The following ZZEF1 variants were observed in gnomAD, a reference collection of about 807,000 sequenced individuals.
ZZEF1 encodes zinc finger ZZ-type and EF-hand domain containing 1, also known as zinc finger ZZ-type and EF-hand domain-containing protein 1.
In ZZEF1, 157 loss-of-function variants were observed where a neutral mutation model predicts 342.8. The ratio of observed to expected loss-of-function variants is 0.46; its 90% CI spans 0.40 to 0.52. ZZEF1 has a LOEUF of 0.52. Ranked by LOEUF, ZZEF1 falls within the 20% of genes least tolerant of loss-of-function variation. The pLI is 0.00. For synonymous variants in ZZEF1, 1,505 were observed against 1,429.1 expected (o/e 1.05, Z -1.20); for missense variants, 3,480 against 3,725.6 (o/e 0.93, Z 1.72).
rs1267647344 is a variant in ZZEF1, at chr17:4,005,079, T to C, written c.*1811A>G. 1.3e-5 allele frequency: 2 copies of C among 152,372 alleles called. No individual in the cohort carries two copies. The highest frequency in any genetic ancestry group is 1.9e-4 in the East Asian group (1 of 5,202). The allele number at this position is 152,372 out of a possible 1,614,324, so 9.4% of individuals were successfully genotyped here. On this transcript the variant is annotated 3_prime_UTR_variant, in exon 55 of 55. Coordinates refer to ENST00000381638, the MANE Select transcript of ZZEF1 (RefSeq NM_015113.4). Reference sequence around the variant, plus strand: ...GTGTGGAGGGGCGTGGGTGGCGCTATCTCGTCTACCTTCCAGGTTGGCTGT... The same window carrying C: ...GTGTGGAGGGGCGTGGGTGGCGCTACCTCGTCTACCTTCCAGGTTGGCTGT...
intron 18 of ZZEF1, among the ~76,000 whole-genome samples, chr17:4,080,353 T>C (rs1184772012): frequency 2.6e-5 from 4 of 151,550 alleles, no homozygotes; most frequent in Non-Finnish European, 5.9e-5. Context: ...TTTGTTTGTT[T>C]GTTTTGAGAC....
Position 4,077,864 on chromosome 17 carries a change from A to G in ZZEF1, c.2989+19T>C. 6.2e-7 allele frequency: 1 copy of G among 1,611,382 alleles called. No homozygotes were observed. The highest frequency in any genetic ancestry group is 1.1e-5 in the South Asian group (1 of 91,048). ...ACCCAAACGCCATCTGTTTTCATGG[A>G]TTTTATATTGAAACTCACATTTTTC... On this transcript the variant is annotated intron_variant, in intron 19 of 54. Coordinates refer to ENST00000381638, the MANE Select transcript of ZZEF1 (RefSeq NM_015113.4).
chr17:4,022,563 G>T, intron 44 of ZZEF1, 146 bp downstream of exon 44: 1 of 1,098,690 alleles, frequency 9.1e-7, no homozygotes, highest in Non-Finnish European at 1.3e-6. Flanking sequence ...ATTTCCAACA[G>T]GGAATACAGA....
chr17:4,022,580 G>A, intron 44 of ZZEF1, 129 bp downstream of exon 44: 1 of 1,297,236 alleles, frequency 7.7e-7, no homozygotes, highest in East Asian at 2.4e-5. Context: ...CAGAAGCAAG[G>A]GAGTTTTCAA....
Position 4,086,549 on chromosome 17 carries a change from C to G in ZZEF1, c.2449G>C (p.Ala817Pro), listed in dbSNP as rs777801052. Reference sequence around the variant, plus strand: ...ACTCCTTTAGGGCTTTGGATTGGAGCCTTTTCCTCCTCAGAAGCAGCCAGT... The same window carrying G: ...ACTCCTTTAGGGCTTTGGATTGGAGGCTTTTCCTCCTCAGAAGCAGCCAGT... ...DVLAASEEEK[A>P]PIQSPKGVEA... Residue 817 changes from alanine to proline, a missense_variant, in exon 15 of 55, where the codon GCT becomes CCT. Physicochemically the swap from Ala to Pro is conservative, Grantham distance 27 (BLOSUM62 -1). This residue lies in a region of ZZEF1 where 1,528 missense variants were observed against 1,624.1 expected (regional missense o/e 0.94). Transcript: ENST00000381638. The G allele has an allele frequency of 2.0e-5, 32 of 1,614,162 alleles. 1 individual carries two copies. The highest frequency in any genetic ancestry group is 1.5e-4 in the African/African-American group (11 of 75,038).
At chr17:4,121,039 A>T (rs1016990331) in intron 2 of ZZEF1, among the ~76,000 whole-genome samples, 5 of 152,216 alleles carry the variant, frequency 3.3e-5, no homozygotes, top group Non-Finnish European at 5.9e-5. Context: ...TCCAAGACTG[A>T]TGAATTGGGT....
In ZZEF1 at chr17:4,014,817, G is replaced by A. The variant is rs1049269423; in HGVS notation, c.8146-302C>T. ...AGAAGGCGGGAGTGGGAGACAAGGT[G>A]GACCTGAGTGCATGGGGTGCATTTC... On this transcript the variant is annotated intron_variant, in intron 49 of 54. Coordinates refer to ENST00000381638, the MANE Select transcript of ZZEF1 (RefSeq NM_015113.4). This position sits in a 1 kb window ranked among gnomAD's most constrained non-coding sequence, Gnocchi z 4.4. Among the ~76,000 whole-genome samples, 7 of 152,194 alleles carry A rather than the reference G, an allele frequency of 4.6e-5. No individual in the cohort carries two copies. Among genetic ancestry groups the A allele is most frequent in the African/African-American group, 1.7e-4 (7 of 41,454 alleles).
rs918789461 is a variant in ZZEF1 at position 4,107,632 on chromosome 17, G to A, written c.1278-1823C>T. Among the ~76,000 whole-genome samples, 22 of 152,210 alleles carry A rather than the reference G, an allele frequency of 1.4e-4. 1 individual carries two copies. ...GGAGCAGGAATGGGATAGGGAGGGT[G>A]TCCATGCAAGGGCAGGGGCAATGGG... On this transcript the variant is annotated intron_variant, in intron 6 of 54. Transcript: ENST00000381638.
chr17:4,133,721 CT>C (rs145801030), intron 1 of ZZEF1, among the ~76,000 whole-genome samples: 22,971 of 147,882 alleles, frequency 0.16, 1,888 homozygotes, highest in African/African-American at 0.22. Flanking sequence ...TTTTTGCTAT[CT>C]TTTTTTTTTT....
intron 27 of ZZEF1, 133 bp from the exon 28 acceptor site, chr17:4,066,673 G>C: frequency 2.6e-6 from 2 of 756,252 alleles, no homozygotes; most frequent in South Asian, 3.3e-5. Flanking sequence ...AGAGGGGTTT[G>C]TAATACTCAC....
Position 4,034,242 on chromosome 17 carries a change from A to C in ZZEF1, c.6357T>G (p.Phe2119Leu). Residue 2119 changes from phenylalanine to leucine, a missense_variant, in exon 40 of 55, where the codon TTT becomes TTG. Coordinates refer to ENST00000381638, the MANE Select transcript of ZZEF1 (RefSeq NM_015113.4). ...IDLEHVLPLM[F>L]QVVISNAGHL... is the part of the protein sequence containing the mutation. Reference sequence around the variant, plus strand: ...GGCCTGCGTTTGAGATGACAACCTGAAACATGAGTGGAAGGACGTGCTCCA... The same window carrying C: ...GGCCTGCGTTTGAGATGACAACCTGCAACATGAGTGGAAGGACGTGCTCCA... 6.2e-7 allele frequency: 1 copy of C among 1,614,222 alleles called. No homozygotes were observed. Among genetic ancestry groups the C allele is most frequent in the Non-Finnish European group, 8.5e-7 (1 of 1,180,042 alleles).
intron 1 of ZZEF1, among the ~76,000 whole-genome samples, chr17:4,127,735 T>G (rs1365975361): frequency 6.6e-6 from 1 of 152,192 alleles, no homozygotes; most frequent in East Asian, 1.9e-4. Context: ...GATGTTTACT[T>G]GCTCAATGTG....
chr17:4,025,592 G>C (rs1402197177), intron 42 of ZZEF1, among the ~76,000 whole-genome samples: 4 of 151,330 alleles, frequency 2.6e-5, no homozygotes, highest in African/African-American at 9.7e-5. Flanking sequence ...TGAGGCAGGA[G>C]AATCACTTGA....
In ZZEF1 at chr17:4,048,873, A is replaced by ATTT. The variant is rs71144157; in HGVS notation, c.6015+832_6015+834dup. On this transcript the variant is annotated intron_variant, in intron 37 of 54. Coordinates refer to ENST00000381638, the MANE Select transcript of ZZEF1 (RefSeq NM_015113.4). ...CAGGCACGTGACACCAGCCTGGATA[A>ATTT]TTTTTTTTTTTTTTTTTTGTATTTT... 2.5e-3 allele frequency among the ~76,000 whole-genome samples: 338 copies of ATTT among 133,734 alleles called. 3 individuals carry two copies. Among genetic ancestry groups the ATTT allele is most frequent in the African/African-American group, 8.8e-3 (315 of 35,736 alleles). The allele number at this position is 133,734 out of a possible 152,430, so 87.7% of individuals were successfully genotyped here. A position where few individuals can be genotyped will look rare whatever the true frequency, so the allele number is the denominator to read the frequency against.
chr17:4,058,952 C>A (rs1297792132), intron 31 of ZZEF1, among the ~76,000 whole-genome samples: 1 of 151,766 alleles, frequency 6.6e-6, no homozygotes, highest in Non-Finnish European at 1.5e-5. Context: ...CAGACTCATC[C>A]CCTTAAAAAG....
At position 4,113,904 on chromosome 17, in the gene ZZEF1, G is replaced by T. The variant is rs927037793; in HGVS notation, c.866+395C>A. Reference sequence around the variant, plus strand: ...GGACTGCTTGAACCCAGGAGTCTGAGGTTACAGTGAGCTATGGCTGCACCA... The same window carrying T: ...GGACTGCTTGAACCCAGGAGTCTGATGTTACAGTGAGCTATGGCTGCACCA... On this transcript the variant is annotated intron_variant, in intron 4 of 54. Transcript: ENST00000381638. Among the ~76,000 whole-genome samples, 7 of 151,988 alleles carry T rather than the reference G, an allele frequency of 4.6e-5. No homozygotes were observed. In the East Asian group the frequency reaches 5.8e-4, roughly 13 times the overall value.
chr17:4,027,126 ATCTC>A (rs1020163080), intron 42 of ZZEF1, among the ~76,000 whole-genome samples: 12 of 151,444 alleles, frequency 7.9e-5, no homozygotes, highest in Middle Eastern at 3.2e-3. Flanking sequence ...ATCTCTTGAA[ATCTC>A]TCTCTCTCTT....
chr17:4,124,727 G>A (rs2058547037), intron 1 of ZZEF1, among the ~76,000 whole-genome samples: 1 of 151,706 alleles, frequency 6.6e-6, no homozygotes, highest in South Asian at 2.1e-4. Flanking sequence ...CAAAGTGCTG[G>A]GATTACAGGT....
chr17:4,095,582 C>G (rs2058019962), intron 11 of ZZEF1, among the ~76,000 whole-genome samples: 1 of 152,160 alleles, frequency 6.6e-6, no homozygotes, highest in Non-Finnish European at 1.5e-5. Flanking sequence ...ATTACCCAGC[C>G]ATTGTGAAGA....
Sources: allele counts gnomAD v4.1 joint callset (sites outside exome capture counted in the v4.1 genomes callset), GRCh38; gene constraint gnomAD v4.1.1; regional missense constraint gnomAD v4.1.1; non-coding constraint Gnocchi (gnomAD v3.1); transcripts MANE v1.5; gene names NCBI Gene and HGNC (gene_info 2026-07-23, HGNC 2026-07-21).